ABCC4: variants seen among roughly 807,000 people sequenced by gnomAD.
The protein encoded by ABCC4 is ATP binding cassette subfamily C member 4 (PEL blood group), also known as ATP-binding cassette sub-family C member 4.
Under a neutral mutation model 168.5 loss-of-function variants are expected in ABCC4, and 102 were observed. The ratio of observed to expected loss-of-function variants is 0.61; its 90% confidence interval spans 0.52 to 0.71. The LOEUF is 0.71. ABCC4 is among the 30% of genes least tolerant of loss of function. The pLI, the probability that ABCC4 is intolerant of heterozygous loss-of-function variation, is 0.00. For missense variants in ABCC4, 1,402 were observed against 1,605.8 expected (o/e 0.87, Z 2.17); for synonymous variants, 617 against 590.7 (o/e 1.04, Z -0.65).
intron 19 of ABCC4, among the ~76,000 whole-genome samples, chr13:95,141,173 C>G (rs1338539783): frequency 6.6e-6 from 1 of 152,172 alleles, no homozygotes; most frequent in Non-Finnish European, 1.5e-5. Flanking sequence ...ATATTTTCAC[C>G]AGAAAGGAGT....
Position 95,222,726 on chromosome 13 carries a change from C to G in ABCC4, c.531+11884G>C, listed in dbSNP as rs535558642. On this transcript the variant is annotated intron_variant, in intron 4 of 30. Coordinates refer to ENST00000645237, the MANE Select transcript of ABCC4 (RefSeq NM_005845.5). Reference sequence around the variant, plus strand: ...ATATATCATTAACACACCTGGCATACGGTTGAAACACCAGAGAGATCATGT... The same window carrying G: ...ATATATCATTAACACACCTGGCATAGGGTTGAAACACCAGAGAGATCATGT... Among the ~76,000 whole-genome samples the G allele has an allele frequency of 1.2e-4, 19 of 152,288 alleles. No homozygotes were observed. In the East Asian group the frequency reaches 3.5e-3, roughly 28 times the overall value.
intron 20 of ABCC4, among the ~76,000 whole-genome samples, chr13:95,098,817 T>G (rs144206797): frequency 6.6e-6 from 1 of 152,144 alleles, no homozygotes; most frequent in Non-Finnish European, 1.5e-5. Flanking sequence ...ATCAAGGCAA[T>G]GCAAATGGAT....
At chr13:95,227,703 G>A (rs2039503463) in intron 4 of ABCC4, among the ~76,000 whole-genome samples, 1 of 152,110 alleles carries the variant, frequency 6.6e-6, no homozygotes, top group Non-Finnish European at 1.5e-5. Flanking sequence ...CAAAGGAGTT[G>A]AATATATGTA....
chr13:95,039,629 A>C (rs1446696071), intron 29 of ABCC4, among the ~76,000 whole-genome samples: 2 of 152,214 alleles, frequency 1.3e-5, no homozygotes, highest in Non-Finnish European at 2.9e-5. Context: ...GGAAAAACAC[A>C]TTATACTGGA....
At chr13:95,275,988 G>C (rs1043928669) in intron 1 of ABCC4, among the ~76,000 whole-genome samples, 1 of 152,152 alleles carries the variant, frequency 6.6e-6, no homozygotes, top group African/African-American at 2.4e-5. Context: ...TCCTTAGCCT[G>C]AATAGCTGCA....
intron 19 of ABCC4, among the ~76,000 whole-genome samples, chr13:95,141,773 ACT>A (rs1228673070): frequency 6.6e-6 from 1 of 152,058 alleles, no homozygotes; most frequent in African/African-American, 2.4e-5. Flanking sequence ...GTGTGTATTG[ACT>A]CTTTCGTAAG....
intron 19 of ABCC4, among the ~76,000 whole-genome samples, chr13:95,137,387 T>G (rs17189362): frequency 0.045 from 6,792 of 152,288 alleles, 219 homozygotes; most frequent in Middle Eastern, 0.13. Context: ...GGCATTAATT[T>G]GTCACTACAA....
At chr13:95,160,987 G>A (rs1208659997) in intron 19 of ABCC4, among the ~76,000 whole-genome samples, 1 of 151,632 alleles carries the variant, frequency 6.6e-6, no homozygotes, top group East Asian at 1.9e-4. Context: ...ATAAAAGATT[G>A]TATGCCCCCC....
chr13:95,132,452 G>C (rs1223654862), intron 19 of ABCC4, among the ~76,000 whole-genome samples: 7 of 152,044 alleles, frequency 4.6e-5, no homozygotes, highest in Admixed American at 2.6e-4. Flanking sequence ...CTGGCCTCAA[G>C]TTGATCCACC....
At chr13:95,117,408 A>G (rs2035417082) in intron 19 of ABCC4, among the ~76,000 whole-genome samples, 1 of 152,174 alleles carries the variant, frequency 6.6e-6, no homozygotes, top group Non-Finnish European at 1.5e-5. Flanking sequence ...GCAGGTCCTG[A>G]TGCAGTGGCC....
intron 1 of ABCC4, among the ~76,000 whole-genome samples, chr13:95,250,753 GTTTCTTTTT>G (rs2040232136): frequency 8.8e-6 from 1 of 114,238 alleles, no homozygotes; most frequent in Admixed American, 1.2e-4. Flanking sequence ...CTGAATACTG[GTTTCTTTTT>G]TTTTTTTTTT....
chr13:95,279,715 C>T (rs1389442407), intron 1 of ABCC4, among the ~76,000 whole-genome samples: 1 of 152,040 alleles, frequency 6.6e-6, no homozygotes, highest in African/African-American at 2.4e-5. Flanking sequence ...TTGTGGAAAC[C>T]GGTAAAAGGG....
At chr13:95,029,172 A>ATC (rs778904308) in intron 30 of ABCC4, among the ~76,000 whole-genome samples, 32,774 of 59,734 alleles carry the variant, frequency 0.55, 6,174 homozygotes, top group East Asian at 0.59. Flanking sequence ...AAATACATAT[A>ATC]TATATATATA....
At chr13:95,062,568 G>T in intron 26 of ABCC4, 136 bp downstream of exon 26, 1 of 746,128 alleles carries the variant, frequency 1.3e-6, no homozygotes, top group Non-Finnish European at 2.2e-6. Context: ...GAAAATATCT[G>T]CTCATAAAAA....
chr13:95,043,851 A>C, intron 28 of ABCC4, 64 bp from the exon 29 acceptor site: 1 of 1,127,124 alleles, frequency 8.9e-7, no homozygotes, highest in Non-Finnish European at 1.3e-6. Flanking sequence ...AGACTTAAAA[A>C]GCTCTACTTC....
intron 7 of ABCC4, among the ~76,000 whole-genome samples, chr13:95,207,229 T>C (rs2038809067): frequency 6.6e-6 from 1 of 152,122 alleles, no homozygotes; most frequent in African/African-American, 2.4e-5. Flanking sequence ...GGTTTCACCA[T>C]GTTGGCCAGG....
intron 13 of ABCC4, 51 bp from the exon 14 acceptor site, chr13:95,170,679 A>C: frequency 1.9e-6 from 2 of 1,052,742 alleles, no homozygotes; most frequent in Non-Finnish European, 2.8e-6. Flanking sequence ...GGGGTGCTCC[A>C]CATTGAAAAA....
At chr13:95,198,109 T>C (rs938605431) in intron 8 of ABCC4, among the ~76,000 whole-genome samples, 1 of 151,816 alleles carries the variant, frequency 6.6e-6, no homozygotes, top group African/African-American at 2.4e-5. Flanking sequence ...AATTGACAAA[T>C]GGGATCTAAT....
At chr13:95,034,850 G>A in intron 29 of ABCC4, 111 bp from the exon 30 acceptor site, 1 of 1,473,124 alleles carries the variant, frequency 6.8e-7, no homozygotes, top group Non-Finnish European at 9.3e-7. Flanking sequence ...CTGTTTGGGT[G>A]GTAGGCCTGG....
Sources: allele counts gnomAD v4.1 joint callset (sites outside exome capture counted in the v4.1 genomes callset), GRCh38; gene constraint gnomAD v4.1.1; transcripts MANE v1.5; gene names NCBI Gene and HGNC (gene_info 2026-07-23, HGNC 2026-07-21).